Variants in NEO1 observed in about 807,000 individuals in gnomAD.
NEO1 encodes the protein neogenin 1.
A neutral mutation model predicts 159.7 loss-of-function variants in NEO1; 63 were observed. The ratio of observed to expected loss-of-function variants is 0.39; its 90% confidence interval spans 0.32 to 0.49. The LOEUF is 0.49. NEO1 is among the 20% of genes least tolerant of loss of function. NEO1 has a pLI of 0.85. For synonymous variants in NEO1, 633 were observed against 662.0 expected (o/e 0.96, Z 0.67); for missense variants, 1,615 against 1,831.0 (o/e 0.88, Z 2.15).
At chr15:73,238,449 A>G (rs2039318235) in intron 8 of NEO1, among the ~76,000 whole-genome samples, 1 of 151,780 alleles carries the variant, frequency 6.6e-6, no homozygotes, top group Admixed American at 6.6e-5. Context: ...ATTAATTTCA[A>G]TTCGTGGAGA....
At chr15:73,282,835 CT>C in intron 22 of NEO1, 128 bp from the exon 23 acceptor site, 1 of 1,154,592 alleles carries the variant, frequency 8.7e-7, no homozygotes, top group Non-Finnish European at 1.2e-6. Context: ...TCACGCGGCA[CT>C]TTTATATAAG....
At chr15:73,201,737 A>C (rs1289377256) in intron 7 of NEO1, among the ~76,000 whole-genome samples, 1 of 151,614 alleles carries the variant, frequency 6.6e-6, no homozygotes, top group Non-Finnish European at 1.5e-5. Flanking sequence ...ATATTCTGGC[A>C]CTCTTTTGTT....
chr15:73,052,413 C>CCCCT (rs2067487357), upstream of NEO1: 1 of 44,220 alleles, frequency 2.3e-5, no homozygotes, highest in Non-Finnish European at 5.8e-5. Context: ...CGACCCACCG[C>CCCCT]CCCCCCCCCC....
At chr15:73,071,207 CA>C in intron 1 of NEO1, among the ~76,000 whole-genome samples, 1 of 152,190 alleles carries the variant, frequency 6.6e-6, no homozygotes, top group African/African-American at 2.4e-5. Flanking sequence ...CTTGGCCTCC[CA>C]AAGTGCAGGC....
At chr15:73,122,395 G>T in intron 2 of NEO1, 130 bp from the exon 3 acceptor site, 1 of 783,372 alleles carries the variant, frequency 1.3e-6, no homozygotes, top group Non-Finnish European at 2.0e-6. Flanking sequence ...TAATTTCCAT[G>T]GACTTTCTTC....
chr15:73,302,012 G>T lies in NEO1; in HGVS notation c.4302+555G>T, dbSNP rs533024449. Among the ~76,000 whole-genome samples the T allele has an allele frequency of 1.6e-3, 247 of 152,156 alleles. 1 individual carries two copies. Among genetic ancestry groups the T allele is most frequent in the Non-Finnish European group, 2.9e-3 (198 of 68,024 alleles). ...CATCTTAAATTAGCTTTTCACACTAGCCCAGCTAATGGCCCCTTCCCCCAC... is the reference window on the plus strand; with the variant it reads ...CATCTTAAATTAGCTTTTCACACTATCCCAGCTAATGGCCCCTTCCCCCAC... On this transcript the variant is annotated intron_variant, in intron 28 of 28. Transcript: ENST00000261908.
chr15:73,173,951 T>G (rs546074315), intron 5 of NEO1, among the ~76,000 whole-genome samples: 1 of 151,822 alleles, frequency 6.6e-6, no homozygotes, highest in Non-Finnish European at 1.5e-5. Context: ...AATACAAAAA[T>G]TAGCCGGACG....
At chr15:73,096,768 T>G (rs28808999) in intron 1 of NEO1, among the ~76,000 whole-genome samples, 20,105 of 152,124 alleles carry the variant, frequency 0.13, 2,053 homozygotes, top group African/African-American at 0.28. Context: ...TGATTTGGCT[T>G]CTTCTGACTT....
At chr15:73,273,730 A>G (rs1017495185) in intron 19 of NEO1, 81 bp from the exon 20 acceptor site, 3 of 934,334 alleles carry the variant, frequency 3.2e-6, no homozygotes, top group South Asian at 3.3e-5. Context: ...TTCATATGAT[A>G]TAATAGGTAC....
intron 1 of NEO1, among the ~76,000 whole-genome samples, chr15:73,054,778 G>T (rs987228111): frequency 6.6e-6 from 1 of 152,156 alleles, no homozygotes; most frequent in African/African-American, 2.4e-5. Flanking sequence ...AGGAGGGGTT[G>T]GTCAGTTCTG....
intron 2 of NEO1, among the ~76,000 whole-genome samples, chr15:73,118,317 C>A (rs2071437614): frequency 1.3e-5 from 2 of 152,106 alleles, no homozygotes; most frequent in South Asian, 4.1e-4. Flanking sequence ...CTTCAGTGAT[C>A]CTCCAGTAAC....
intron 7 of NEO1, among the ~76,000 whole-genome samples, chr15:73,226,678 A>G (rs2038610584): frequency 6.6e-6 from 1 of 152,226 alleles, no homozygotes; most frequent in Non-Finnish European, 1.5e-5. Context: ...AATAAGCACC[A>G]TGTAAATCTG....
intron 1 of NEO1, among the ~76,000 whole-genome samples, chr15:73,075,568 C>T (rs1481966037): frequency 6.6e-6 from 1 of 152,116 alleles, no homozygotes; most frequent in Non-Finnish European, 1.5e-5. Context: ...CTTGGGGGAA[C>T]TCTGCATCTA....
intron 13 of NEO1, 149 bp from the exon 14 acceptor site, chr15:73,258,617 T>A: frequency 1.7e-6 from 1 of 593,202 alleles, no homozygotes; most frequent in South Asian, 2.1e-5. Flanking sequence ...TGTATTTGCA[T>A]TTTGCCTACA....
chr15:73,080,049 A>G (rs1012489931), intron 1 of NEO1, among the ~76,000 whole-genome samples: 1 of 152,180 alleles, frequency 6.6e-6, no homozygotes, highest in Non-Finnish European at 1.5e-5. Flanking sequence ...AAGTTAGGTT[A>G]TGTAAATAAC....
intron 4 of NEO1, among the ~76,000 whole-genome samples, chr15:73,129,564 G>A (rs780327836): frequency 5.9e-5 from 9 of 151,958 alleles, no homozygotes; most frequent in East Asian, 1.9e-4. Flanking sequence ...AATAATCATC[G>A]CTAATGAAAG....
At chr15:73,153,050 G>A (rs947080272) in intron 5 of NEO1, among the ~76,000 whole-genome samples, 2 of 152,184 alleles carry the variant, frequency 1.3e-5, no homozygotes, top group African/African-American at 4.8e-5. Context: ...GAGAGCTGGA[G>A]AGTCAGTGGT....
At chr15:73,169,029 A>G (rs762416779) in intron 5 of NEO1, among the ~76,000 whole-genome samples, 5 of 152,206 alleles carry the variant, frequency 3.3e-5, no homozygotes, top group African/African-American at 7.2e-5. Flanking sequence ...AAATGAAACA[A>G]TAGAAACTCC....
chr15:73,136,896 G>A (rs2031822248), intron 5 of NEO1, among the ~76,000 whole-genome samples: 1 of 152,030 alleles, frequency 6.6e-6, no homozygotes, highest in South Asian at 2.1e-4. Flanking sequence ...TAGGAAGACT[G>A]CTCCCAGTGC....
Sources: gnomAD v4.1 joint callset for allele counts (sites outside exome capture counted in the v4.1 genomes callset) on GRCh38, gnomAD v4.1.1 for gene constraint, MANE v1.5 for transcripts, NCBI Gene and HGNC (gene_info 2026-07-23, HGNC 2026-07-21) for gene names.